Variants in PALM2AKAP2 observed in about 807,000 individuals in gnomAD.
PALM2AKAP2 encodes the protein PALM2-AKAP2 fusion protein.
Under a neutral mutation model 71.5 loss-of-function variants are expected in PALM2AKAP2, and 37 were observed. The ratio of observed to expected loss-of-function variants is 0.52; its 90% CI spans 0.40 to 0.68. The LOEUF (loss-of-function observed/expected upper bound fraction) is 0.68. Among genes scored for constraint, PALM2AKAP2 ranks in the 30% least tolerant of loss-of-function variants. The probability of loss-of-function intolerance (pLI) is 0.00; values close to 1 mark genes in which losing one functional copy is unlikely to be tolerated. For synonymous variants in PALM2AKAP2, 468 were observed against 478.8 expected (o/e 0.98, Z 0.29); for missense variants, 1,224 against 1,191.8 (o/e 1.03, Z -0.40).
chr9:109,752,585 T>A (rs1405060268), intron 1 of PALM2AKAP2, among the ~76,000 whole-genome samples: 2 of 151,990 alleles, frequency 1.3e-5, no homozygotes, highest in African/African-American at 4.8e-5. Flanking sequence ...TGCAAATAAC[T>A]CAGAATGGGA....
intron 6 of PALM2AKAP2, among the ~76,000 whole-genome samples, chr9:110,003,899 C>G: frequency 6.6e-6 from 1 of 152,094 alleles, no homozygotes; most frequent in East Asian, 1.9e-4. Context: ...TTCCCCCATC[C>G]CTTTATTTTG....
At chr9:109,909,793 G>A (rs937785548) in intron 3 of PALM2AKAP2, among the ~76,000 whole-genome samples, 2 of 152,168 alleles carry the variant, frequency 1.3e-5, no homozygotes, top group Non-Finnish European at 2.9e-5. Flanking sequence ...GGAAGAGAGA[G>A]AACAAGGGCA....
intron 1 of PALM2AKAP2, among the ~76,000 whole-genome samples, chr9:110,129,751 A>G (rs1835693505): frequency 6.6e-6 from 1 of 152,212 alleles, no homozygotes; most frequent in South Asian, 2.1e-4. Context: ...GAGATGGACC[A>G]GGTTCTGTTT....
intron 1 of PALM2AKAP2, among the ~76,000 whole-genome samples, chr9:109,821,784 C>T (rs1828013727): frequency 6.6e-6 from 1 of 152,176 alleles, no homozygotes; most frequent in African/African-American, 2.4e-5. Context: ...CCTCATCTCC[C>T]CCCTGGACGT....
At chr9:109,775,607 GAACT>G (rs1340172990), upstream of PALM2AKAP2, among the ~76,000 whole-genome samples, 44 of 152,186 alleles carry the variant, frequency 2.9e-4, no homozygotes, top group Admixed American at 1.1e-3. Flanking sequence ...AGGCAAAAAA[GAACT>G]AACACAAATA....
intron 5 of PALM2AKAP2, among the ~76,000 whole-genome samples, chr9:109,926,429 A>G (rs758102244): frequency 1.2e-4 from 19 of 152,154 alleles, no homozygotes; most frequent in Non-Finnish European, 1.6e-4. Context: ...CGGACCTACA[A>G]TACTTCTAGG....
At chr9:110,156,807 A>G (rs984285938) in intron 3 of PALM2AKAP2, among the ~76,000 whole-genome samples, 1 of 152,194 alleles carries the variant, frequency 6.6e-6, no homozygotes. Context: ...CGCAGGGAGA[A>G]GGTTGCAAGT....
rs539541555 is a variant in PALM2AKAP2 at position 110,010,110 on chromosome 9, GTCTT to G, written c.497-5842_497-5839del. On this transcript the variant is annotated intron_variant, in intron 6 of 9. Transcript: ENST00000302798. Reference sequence around the variant, plus strand: ...GGTTGATTTCATTTATTTCTGAGAGGTCTTTATAAAACTGTCCCTGATGGATATT... The same window carrying G: ...GGTTGATTTCATTTATTTCTGAGAGGTATAAAACTGTCCCTGATGGATATT... Among the ~76,000 whole-genome samples the G allele has an allele frequency of 1.9e-3, 290 of 152,192 alleles. 1 individual carries two copies. Among genetic ancestry groups the G allele is most frequent in the African/African-American group, 6.6e-3 (273 of 41,530 alleles).
At chr9:109,991,857 G>T (rs1832489655) in intron 6 of PALM2AKAP2, among the ~76,000 whole-genome samples, 1 of 152,178 alleles carries the variant, frequency 6.6e-6, no homozygotes, top group East Asian at 1.9e-4. Context: ...AGGCTGTTTT[G>T]TAGAGGAAGA....
At position 109,998,268 on chromosome 9, in the gene PALM2AKAP2, G is replaced by C. The variant is rs140497721; in HGVS notation, c.497-17686G>C. On this transcript the variant is annotated intron_variant, in intron 6 of 9. Transcript: ENST00000302798. The stretch of plus-strand genomic sequence containing the variant: ...CTTCAGTCCCAGCTTAGTGGCTACT[G>C]ACTGTGAGACTTTGACAACTTATTT... 2.1e-3 allele frequency among the ~76,000 whole-genome samples: 316 copies of C among 152,340 alleles called. 2 individuals are homozygous for C. Among genetic ancestry groups the C allele is most frequent in the African/African-American group, 7.4e-3 (309 of 41,580 alleles).
intron 5 of PALM2AKAP2, 27 bp from the exon 6 acceptor site, chr9:109,931,900 A>G: frequency 1.2e-6 from 2 of 1,611,458 alleles, no homozygotes; most frequent in Non-Finnish European, 1.7e-6. Flanking sequence ...ACTGTGACTA[A>G]TTGTATTCCC....
intron 1 of PALM2AKAP2, among the ~76,000 whole-genome samples, chr9:110,104,867 C>G (rs1375301376): frequency 1.3e-5 from 2 of 152,220 alleles, no homozygotes; most frequent in Admixed American, 6.5e-5. Context: ...TTCTATCTTC[C>G]TGGAGTTACA....
At chr9:110,034,107 C>G (rs1012027575) in intron 7 of PALM2AKAP2, among the ~76,000 whole-genome samples, 1 of 152,174 alleles carries the variant, frequency 6.6e-6, no homozygotes, top group Admixed American at 6.5e-5. Context: ...GCCAGGGCAC[C>G]TCTTGCCTGT....
At chr9:110,109,357 A>T (rs960407423) in intron 1 of PALM2AKAP2, among the ~76,000 whole-genome samples, 6 of 61,842 alleles carry the variant, frequency 9.7e-5, no homozygotes, top group African/African-American at 2.3e-4. Flanking sequence ...AGAAACATTT[A>T]AAAAAAAAAA....
chr9:110,010,996 CAAAAAAAAAAA>C (rs754903953), intron 6 of PALM2AKAP2, among the ~76,000 whole-genome samples: 1 of 54,298 alleles, frequency 1.8e-5, no homozygotes, highest in African/African-American at 7.2e-5. Context: ...AACTCTGTCT[CAAAAAAAAAAA>C]AAAAAAAATA....
intron 6 of PALM2AKAP2, among the ~76,000 whole-genome samples, chr9:110,006,555 G>T (rs1006366543): frequency 6.6e-6 from 1 of 151,746 alleles, no homozygotes; most frequent in African/African-American, 2.4e-5. Context: ...TAGAGATGGG[G>T]TCTCGCCATG....
At chr9:110,158,016 C>T (rs1305663421) in intron 3 of PALM2AKAP2, among the ~76,000 whole-genome samples, 2 of 152,186 alleles carry the variant, frequency 1.3e-5, no homozygotes, top group East Asian at 3.8e-4. Flanking sequence ...TAGGCTGCAG[C>T]TATTCTACTG....
chr9:109,938,858 A>G (rs1314799110), intron 6 of PALM2AKAP2, among the ~76,000 whole-genome samples: 6 of 152,014 alleles, frequency 3.9e-5, no homozygotes, highest in Non-Finnish European at 7.4e-5. Flanking sequence ...GTGAAACCCC[A>G]TCTCTACTGA....
At chr9:110,039,296 C>T (rs1361290773) in intron 7 of PALM2AKAP2, among the ~76,000 whole-genome samples, 2 of 152,276 alleles carry the variant, frequency 1.3e-5, no homozygotes, top group African/African-American at 4.8e-5. Context: ...ACAATCTATC[C>T]TCTTAAAGTG....
Sources: allele counts gnomAD v4.1 joint callset (sites outside exome capture counted in the v4.1 genomes callset), GRCh38; gene constraint gnomAD v4.1.1; transcripts MANE v1.5; gene names NCBI Gene and HGNC (gene_info 2026-07-23, HGNC 2026-07-21).